The following UBN2 variants were observed in gnomAD, a reference collection of about 807,000 sequenced individuals.
UBN2 encodes ubinuclein-2.
UBN2 carries 35 observed loss-of-function variants against 120.2 expected under a neutral mutation model. That is an observed-to-expected ratio of 0.29 (90% confidence interval 0.22 to 0.39). The LOEUF (loss-of-function observed/expected upper bound fraction) is 0.39. Among genes scored for constraint, UBN2 ranks in the 10% least tolerant of loss-of-function variants. UBN2 has a pLI of 1.00. For synonymous variants in UBN2, 661 were observed against 648.7 expected, an observed-to-expected ratio of 1.02 and a Z score of -0.29; for missense variants, 1,693 against 1,663.2, an observed-to-expected ratio of 1.02 and a Z score of -0.31.
In UBN2 at chr7:139,239,179, A is replaced by G. The variant is rs1223101364; in HGVS notation, c.561+2082A>G. Among the ~76,000 whole-genome samples the G allele has an allele frequency of 4.6e-5, 7 of 152,072 alleles. No homozygotes were observed. The East Asian group carries it at 1.2e-3, about 25-fold the overall frequency. ...TCTATTCCTTTCCCACCCCCTTTTT[A>G]TACATATTATAGAATTGTACACACT... is the stretch of plus-strand genomic sequence containing the variant. On this transcript the variant is annotated intron_variant, in intron 2 of 17. Transcript: ENST00000473989.
At chr7:139,234,076 A>C (rs1004660445) in intron 1 of UBN2, among the ~76,000 whole-genome samples, 1 of 151,388 alleles carries the variant, frequency 6.6e-6, no homozygotes, top group African/African-American at 2.4e-5. Context: ...CATAGAAAAC[A>C]TATGTTTAAG....
chr7:139,323,525 A>T, the UBN2 span, among the ~76,000 whole-genome samples: 1 of 150,744 alleles, frequency 6.6e-6, no homozygotes. Flanking sequence ...TGCATTTCTC[A>T]ATTTCTCTTG....
intron 1 of UBN2, among the ~76,000 whole-genome samples, chr7:139,234,290 A>G (rs1472535023): frequency 2.6e-5 from 4 of 152,248 alleles, no homozygotes; most frequent in African/African-American, 9.6e-5. Flanking sequence ...ATGTGGGGCT[A>G]TTAAAAAAAA....
At chr7:139,236,466 A>G (rs1796165355) in intron 1 of UBN2, among the ~76,000 whole-genome samples, 1 of 152,238 alleles carries the variant, frequency 6.6e-6, no homozygotes, top group Non-Finnish European at 1.5e-5. Flanking sequence ...GTTGCTTTTA[A>G]TTAATAATCT....
At chr7:139,261,834 G>T in intron 6 of UBN2, 93 bp downstream of exon 6, 3 of 1,277,820 alleles carry the variant, frequency 2.3e-6, no homozygotes, top group Middle Eastern at 2.2e-4. Flanking sequence ...CATAACACTG[G>T]TATAATTGCT....
chr7:139,257,884 C>T (rs1796808483), intron 3 of UBN2, among the ~76,000 whole-genome samples: 2 of 152,180 alleles, frequency 1.3e-5, no homozygotes, highest in South Asian at 2.1e-4. Flanking sequence ...CACCTGGGTT[C>T]AAGGGATTCT....
At position 139,293,495 on chromosome 7, in the gene UBN2, T is replaced by C. The variant is rs374724759; in HGVS notation, c.3901+32T>C. 5 of 1,592,290 alleles carry C rather than the reference T, an allele frequency of 3.1e-6. No individual in the cohort carries two copies. In the African/African-American group the frequency reaches 5.4e-5, roughly 17 times the overall value. On this transcript the variant is annotated intron_variant, in intron 16 of 17. Coordinates refer to ENST00000473989, the MANE Select transcript of UBN2 (RefSeq NM_173569.4). ...GGGGCTCTTCTATTTGGTTGGGCTG[T>C]CTAGCTTGACAGAACAGGAAACCTC...
At chr7:139,267,176 C>T (rs1563214569) in intron 7 of UBN2, among the ~76,000 whole-genome samples, 1 of 152,102 alleles carries the variant, frequency 6.6e-6, no homozygotes, top group Non-Finnish European at 1.5e-5. Context: ...CAAATTTTAG[C>T]CCTCTCTGGT....
At chr7:139,240,999 C>T (rs925509996) in intron 2 of UBN2, among the ~76,000 whole-genome samples, 6 of 152,124 alleles carry the variant, frequency 3.9e-5, no homozygotes, top group Admixed American at 3.3e-4. Context: ...AAAGAGGCTC[C>T]CATGCCTCTC....
rs1798301890 is a variant in UBN2, at chr7:139,303,291, T to A, written c.*5455T>A. The A allele has an allele frequency of 6.6e-6, 1 of 152,220 alleles. No individual in the cohort carries two copies. The highest frequency in any genetic ancestry group is 2.4e-5 in the African/African-American group (1 of 41,440). The allele number at this position is 152,220 out of a possible 1,614,324, so 9.4% of individuals were successfully genotyped here. A position where few individuals can be genotyped will look rare whatever the true frequency, so the allele number is the denominator to read the frequency against. On this transcript the variant is annotated 3_prime_UTR_variant, in exon 18 of 18. Coordinates refer to ENST00000473989, the MANE Select transcript of UBN2 (RefSeq NM_173569.4). Reference sequence around the variant, plus strand: ...TAACATAATTTTCAGTATCTAAGATTCATCGATTTTTTGTTGAAAACAAAT... The same window carrying A: ...TAACATAATTTTCAGTATCTAAGATACATCGATTTTTTGTTGAAAACAAAT...
chr7:139,310,543 G>T (rs1272079700), downstream of UBN2, among the ~76,000 whole-genome samples: 1 of 152,186 alleles, frequency 6.6e-6, no homozygotes, highest in Non-Finnish European at 1.5e-5. Flanking sequence ...GGCCAAGGGA[G>T]GCGGATCACT....
intron 2 of UBN2, among the ~76,000 whole-genome samples, chr7:139,242,501 A>G (rs1324072974): frequency 2.0e-5 from 3 of 152,218 alleles, no homozygotes; most frequent in Non-Finnish European, 4.4e-5. Flanking sequence ...TAGACCAATA[A>G]TAGTATGATA....
chr7:139,307,847 CTCCT>C lies in UBN2; in HGVS notation c.*10016_*10019del, dbSNP rs1798388648. On this transcript the variant is annotated 3_prime_UTR_variant, in exon 18 of 18. Coordinates refer to ENST00000473989, the MANE Select transcript of UBN2 (RefSeq NM_173569.4). ...TCTAGTTTTTAGAAAGCTCTTATCA[CTCCT>C]TCCTAAGAAAAAAGAAGGGCAGGTA... is the stretch of plus-strand genomic sequence containing the variant. The C allele has an allele frequency of 6.6e-6, 1 of 152,060 alleles. No individual in the cohort carries two copies. Among genetic ancestry groups the C allele is most frequent in the Non-Finnish European group, 1.5e-5 (1 of 68,022 alleles). The allele number at this position is 152,060 out of a possible 1,614,324, so 9.4% of individuals were successfully genotyped here. A position where few individuals can be genotyped will look rare whatever the true frequency, so the allele number is the denominator to read the frequency against.
At chr7:139,279,196 C>T in intron 12 of UBN2, 122 bp from the exon 13 acceptor site, 2 of 767,676 alleles carry the variant, frequency 2.6e-6, no homozygotes, top group Non-Finnish European at 4.3e-6. Context: ...AAATACGGTT[C>T]CTTCAAAGAG....
chr7:139,304,312 C>A lies in UBN2; in HGVS notation c.*6476C>A, dbSNP rs1307270317. 2 of 151,854 alleles carry A rather than the reference C, an allele frequency of 1.3e-5. No homozygotes were observed. Among genetic ancestry groups the A allele is most frequent in the Non-Finnish European group, 2.9e-5 (2 of 68,028 alleles). The allele number at this position is 151,854 out of a possible 1,614,324, so 9.4% of individuals were successfully genotyped here. ...ACGGAAGGCAGGATTCACTTTCTAA[C>A]TGGGTCGGGGTGGGGAAGGTCAGGG... On this transcript the variant is annotated 3_prime_UTR_variant, in exon 18 of 18. Transcript: ENST00000473989.
chr7:139,317,740 G>C, the UBN2 span, among the ~76,000 whole-genome samples: 1 of 151,894 alleles, frequency 6.6e-6, no homozygotes, highest in Admixed American at 6.6e-5. Context: ...TTGGCTCACT[G>C]CAACCTCCAC....
Position 139,273,944 on chromosome 7 carries a change from A to G in UBN2, c.1843A>G (p.Asn615Asp). The G allele has an allele frequency of 6.2e-7, 1 of 1,601,166 alleles. No homozygotes were observed. Among genetic ancestry groups the G allele is most frequent in the Non-Finnish European group, 8.5e-7 (1 of 1,176,684 alleles). ...CAATCTGTTTAGAACTTTGTTATGTAACCTTGTTGAGATCAAATTGGGATG... is the reference window on the plus strand; with the variant it reads ...CAATCTGTTTAGAACTTTGTTATGTGACCTTGTTGAGATCAAATTGGGATG... ...WDDTIRTLLC[N>D]LVEIKLGCYE... The change falls in exon 11 of 18, where the codon AAC becomes GAC. Residue 615 changes from asparagine to aspartate, a missense_variant. By Grantham distance (23) the Asn-to-Asp change is conservative. Around this residue, in one of 5 missense-constraint regions of UBN2, gnomAD observed 178 missense variants for 204.0 expected, o/e 0.87. Coordinates refer to ENST00000473989, the MANE Select transcript of UBN2 (RefSeq NM_173569.4).
At chr7:139,314,123 C>G in the UBN2 span, among the ~76,000 whole-genome samples, 15 of 149,694 alleles carry the variant, frequency 1.0e-4, no homozygotes, top group South Asian at 3.3e-3. Flanking sequence ...GCTGGGATTA[C>G]AGGCGTGAGT....
chr7:139,309,536 CATT>C (rs1798420309), downstream of UBN2, among the ~76,000 whole-genome samples: 1 of 152,124 alleles, frequency 6.6e-6, no homozygotes, highest in African/African-American at 2.4e-5. Context: ...ATAAAGGTGT[CATT>C]GTTAAATTTT....
Sources: gnomAD v4.1 joint callset for allele counts (sites outside exome capture counted in the v4.1 genomes callset) on GRCh38, gnomAD v4.1.1 for gene constraint, gnomAD v4.1.1 regional missense constraint, MANE v1.5 for transcripts, NCBI Gene and HGNC (gene_info 2026-07-23, HGNC 2026-07-21) for gene names.